ZFP64: variants seen among roughly 807,000 people sequenced by gnomAD.
ZFP64 encodes ZFP64 zinc finger protein.
A neutral mutation model predicts 51.6 loss-of-function variants in ZFP64; 14 were observed. The ratio of observed to expected loss-of-function variants is 0.27; its 90% CI spans 0.18 to 0.42. The LOEUF is 0.42. Among genes scored for constraint, ZFP64 ranks in the 10% least tolerant of loss-of-function variants. The pLI is 1.00. For missense variants in ZFP64, 754 were observed against 906.8 expected (o/e 0.83, Z 2.16); for synonymous variants, 375 against 361.4 (o/e 1.04, Z -0.43).
chr20:52,181,007 GTC>G (rs761763607), intron 2 of ZFP64, among the ~76,000 whole-genome samples: 16 of 152,066 alleles, frequency 1.1e-4, no homozygotes, highest in Non-Finnish European at 2.1e-4. Flanking sequence ...ACTCACTGCA[GTC>G]TCTGCTCACT....
intron 5 of ZFP64, chr20:52,098,655 T>C: frequency 6.3e-7 from 1 of 1,598,490 alleles, no homozygotes; most frequent in South Asian, 1.1e-5. Flanking sequence ...TAGAATACAG[T>C]AGGTTTGGGC....
chr20:52,091,519 C>T (rs2078926514), intron 7 of ZFP64, among the ~76,000 whole-genome samples: 1 of 152,062 alleles, frequency 6.6e-6, no homozygotes, highest in Non-Finnish European at 1.5e-5. Flanking sequence ...TTAAAAATTT[C>T]ATATGGATGA....
chr20:52,167,605 G>A (rs1982390725), intron 2 of ZFP64, among the ~76,000 whole-genome samples: 1 of 146,156 alleles, frequency 6.8e-6, no homozygotes, highest in African/African-American at 2.5e-5. Context: ...TCTTTTTCTG[G>A]TTCTTTCTTA....
At chr20:52,186,308 T>C (rs1983956505) in intron 2 of ZFP64, among the ~76,000 whole-genome samples, 1 of 152,220 alleles carries the variant, frequency 6.6e-6, no homozygotes, top group Non-Finnish European at 1.5e-5. Context: ...ATTTAAATTT[T>C]TGACCCATCT....
intron 2 of ZFP64, chr20:52,175,861 G>GGCCCCCCCCCCCCCCCCCCCC: frequency 8.4e-6 from 2 of 238,642 alleles, no homozygotes; most frequent in Non-Finnish European, 1.2e-5. Context: ...CACCCCCGCT[G>GGCCCCCCCCCCCCCCCCCCCC]CCGCCCCCGC....
chr20:52,167,760 C>T (rs929323226), intron 2 of ZFP64, among the ~76,000 whole-genome samples: 1 of 152,186 alleles, frequency 6.6e-6, no homozygotes, highest in African/African-American at 2.4e-5. Flanking sequence ...TCCCAAACTT[C>T]AGTCACTCAG....
chr20:52,103,938 C>T (rs2079081032), intron 5 of ZFP64, among the ~76,000 whole-genome samples: 1 of 152,212 alleles, frequency 6.6e-6, no homozygotes, highest in Admixed American at 6.5e-5. Context: ...CAAAACCCAC[C>T]AGACCGACTG....
intron 5 of ZFP64, among the ~76,000 whole-genome samples, chr20:52,126,510 C>T (rs1044800918): frequency 2.6e-5 from 4 of 152,176 alleles, no homozygotes; most frequent in Non-Finnish European, 5.9e-5. Context: ...TGCGTCTATG[C>T]TTTCTACACC....
intron 5 of ZFP64, among the ~76,000 whole-genome samples, chr20:52,118,588 T>C (rs62216891): frequency 0.18 from 26,735 of 152,214 alleles, 2,507 homozygotes; most frequent in Non-Finnish European, 0.21. Flanking sequence ...CATTTTCTAC[T>C]AGGGCATGTC....
chr20:52,105,337 A>G (rs930674441), intron 5 of ZFP64: 12 of 1,249,318 alleles, frequency 9.6e-6, no homozygotes, highest in Non-Finnish European at 1.1e-5. Flanking sequence ...CGGAACGCGC[A>G]TGTCCCGGCA....
chr20:52,104,748 C>T (rs1300846953), intron 5 of ZFP64: 2 of 522,054 alleles, frequency 3.8e-6, no homozygotes, highest in East Asian at 5.6e-5. Flanking sequence ...AACGTAACCC[C>T]AAGGCAAGAA....
intron 5 of ZFP64, chr20:52,110,775 G>T: frequency 6.3e-7 from 1 of 1,590,686 alleles, no homozygotes; most frequent in Non-Finnish European, 8.6e-7. Flanking sequence ...CCCGGGAGAG[G>T]TAGAAGACTG....
chr20:52,090,403 GA>G (rs999379049), intron 7 of ZFP64, among the ~76,000 whole-genome samples: 6 of 150,468 alleles, frequency 4.0e-5, no homozygotes, highest in Admixed American at 1.3e-4. Flanking sequence ...CTGTACACCA[GA>G]AAAAAAAATA....
chr20:52,168,478 GC>G (rs1982463619), intron 2 of ZFP64, among the ~76,000 whole-genome samples: 1 of 152,146 alleles, frequency 6.6e-6, no homozygotes, highest in Admixed American at 6.5e-5. Flanking sequence ...AATTTTTTGG[GC>G]CCCATCTCAG....
chr20:52,188,617 G>A (rs1296826791), intron 1 of ZFP64, among the ~76,000 whole-genome samples: 3 of 151,362 alleles, frequency 2.0e-5, no homozygotes, highest in Admixed American at 1.3e-4. Context: ...GCACCCGGCC[G>A]ACATTATTTC....
At position 52,152,025 on chromosome 20, in the gene ZFP64, A is replaced by G. The variant is rs367989860; in HGVS notation, c.*121T>C. ...GCACTCCAGCCTGGGAAACAGAGCG[A>G]GACTCCGTCTCAAAAACAAAACAAA... On this transcript the variant is annotated 3_prime_UTR_variant, in exon 6 of 6. Transcript: ENST00000216923. 8 of 1,451,102 alleles carry G rather than the reference A, an allele frequency of 5.5e-6. No homozygotes were observed. Among genetic ancestry groups the G allele is most frequent in the Non-Finnish European group, 7.2e-6 (8 of 1,104,308 alleles). 89.9% of individuals were successfully genotyped at this position (1,451,102 alleles called of 1,614,324 possible). A position where few individuals can be genotyped will look rare whatever the true frequency, so the allele number is the denominator to read the frequency against.
At chr20:52,146,621 C>T (rs960744443), downstream of ZFP64, among the ~76,000 whole-genome samples, 2 of 151,614 alleles carry the variant, frequency 1.3e-5, no homozygotes, top group Admixed American at 6.6e-5. Flanking sequence ...GGAGATATAC[C>T]TAATGCTAAA....
intron 5 of ZFP64, among the ~76,000 whole-genome samples, chr20:52,107,191 G>A (rs913419797): frequency 6.6e-6 from 1 of 152,202 alleles, no homozygotes; most frequent in African/African-American, 2.4e-5. Context: ...TGAAAGAGGG[G>A]TGCATGGGGG....
intron 7 of ZFP64, among the ~76,000 whole-genome samples, chr20:52,091,038 A>C (rs1305590935): frequency 6.6e-6 from 1 of 151,376 alleles, no homozygotes; most frequent in East Asian, 1.9e-4. Context: ...CCAGAAGGTG[A>C]GCTCTGATCA....
Sources: gnomAD v4.1 joint callset for allele counts (sites outside exome capture counted in the v4.1 genomes callset) on GRCh38, gnomAD v4.1.1 for gene constraint, MANE v1.5 for transcripts, NCBI Gene and HGNC (gene_info 2026-07-23, HGNC 2026-07-21) for gene names.